The following SCN8A variants were observed in gnomAD, a reference collection of about 807,000 sequenced individuals.
SCN8A encodes the protein sodium voltage-gated channel alpha subunit 8.
SCN8A carries 30 observed loss-of-function variants against 184.1 expected under a neutral mutation model. The ratio of observed to expected loss-of-function variants is 0.16; its 90% CI spans 0.12 to 0.22. SCN8A has a LOEUF of 0.22. Ranked by LOEUF, SCN8A falls within the 10% of genes least tolerant of loss-of-function variation. SCN8A has a pLI of 1.00. For synonymous variants in SCN8A, 852 were observed against 907.0 expected (o/e 0.94, Z 1.09); for missense variants, 1,057 against 2,498.9 (o/e 0.42, Z 12.30).
At chr12:51,693,008 C>G (rs1941536877) in intron 6 of SCN8A, among the ~76,000 whole-genome samples, 1 of 152,146 alleles carries the variant, frequency 6.6e-6, no homozygotes, top group South Asian at 2.1e-4. Context: ...TTATTTTTCT[C>G]TTGGCAATTT....
At chr12:51,618,206 C>T (rs1324435484) in intron 1 of SCN8A, among the ~76,000 whole-genome samples, 1 of 152,098 alleles carries the variant, frequency 6.6e-6, no homozygotes, top group Non-Finnish European at 1.5e-5. Context: ...GGGATCCCAG[C>T]TTCCCTGGTC....
chr12:51,719,086 A>AG (rs1402332323), intron 11 of SCN8A, among the ~76,000 whole-genome samples: 5 of 101,082 alleles, frequency 4.9e-5, no homozygotes, highest in African/African-American at 1.9e-4. Flanking sequence ...ACTATAACAA[A>AG]GTTCTTCCAT....
At chr12:51,684,370 G>A in intron 3 of SCN8A, 78 bp downstream of exon 3, 1 of 768,244 alleles carries the variant, frequency 1.3e-6, no homozygotes, top group Non-Finnish European at 2.3e-6. Context: ...TTGACAACTG[G>A]ATTATATGTT....
chr12:51,633,646 T>C (rs1234605427), intron 1 of SCN8A, among the ~76,000 whole-genome samples: 4 of 152,232 alleles, frequency 2.6e-5, no homozygotes, highest in Non-Finnish European at 5.9e-5. Flanking sequence ...CACATTAAAC[T>C]TGAAGGCAGT....
intron 1 of SCN8A, among the ~76,000 whole-genome samples, chr12:51,639,833 T>G (rs1940403678): frequency 7.4e-6 from 1 of 135,522 alleles, no homozygotes; most frequent in Admixed American, 7.3e-5. Context: ...TGATCATTAG[T>G]TTTTTTTTTT....
At chr12:51,620,821 CTA>C (rs1565862143) in intron 1 of SCN8A, among the ~76,000 whole-genome samples, 1 of 150,092 alleles carries the variant, frequency 6.7e-6, no homozygotes, top group Non-Finnish European at 1.5e-5. Flanking sequence ...GACACCATCT[CTA>C]TTTAAAAAAA....
chr12:51,677,459 G>A (rs1160855508), intron 2 of SCN8A, among the ~76,000 whole-genome samples: 1 of 152,058 alleles, frequency 6.6e-6, no homozygotes, highest in Admixed American at 6.6e-5. Context: ...GTGGAGACAT[G>A]CTAATAAACT....
chr12:51,616,802 C>A (rs1023730927), intron 1 of SCN8A, among the ~76,000 whole-genome samples: 1 of 151,788 alleles, frequency 6.6e-6, no homozygotes, highest in Admixed American at 6.6e-5. Context: ...ACCTGTAGTC[C>A]CAGCTACTCA....
intron 21 of SCN8A, 112 bp from the exon 22 acceptor site, chr12:51,786,430 G>A (rs1486700982): frequency 2.3e-5 from 27 of 1,189,478 alleles, no homozygotes; most frequent in East Asian, 2.2e-4. Flanking sequence ...CAAAGGGAAT[G>A]TAATGTTTCC....
chr12:51,721,911 G>A lies in SCN8A; in HGVS notation c.1998+3G>A. ...TCGGCGGGCGTCTCCTGCCAGAGGT[G>A]AAAATTGATAAGGCAGCTACCGATG... On this transcript the variant is annotated splice_donor_region_variant and intron_variant, in intron 12 of 26. Coordinates refer to ENST00000627620, the MANE Select transcript of SCN8A (RefSeq NM_001330260.2). 1 of 1,599,956 alleles carries A rather than the reference G, an allele frequency of 6.3e-7. No individual in the cohort carries two copies. Among genetic ancestry groups the A allele is most frequent in the Non-Finnish European group, 8.5e-7 (1 of 1,179,806 alleles).
At chr12:51,645,443 G>A (rs1940559549) in intron 1 of SCN8A, among the ~76,000 whole-genome samples, 1 of 152,148 alleles carries the variant, frequency 6.6e-6, no homozygotes, top group African/African-American at 2.4e-5. Context: ...CCACCACCCT[G>A]TCTGGGAGGT....
At chr12:51,766,865 G>C (rs1334259693) in intron 16 of SCN8A, among the ~76,000 whole-genome samples, 3 of 152,168 alleles carry the variant, frequency 2.0e-5, no homozygotes, top group African/African-American at 7.2e-5. Context: ...GTACACTAAA[G>C]TTTGAGAAAG....
At chr12:51,593,761 T>C (rs1250732760) in intron 1 of SCN8A, among the ~76,000 whole-genome samples, 1 of 152,190 alleles carries the variant, frequency 6.6e-6, no homozygotes, top group South Asian at 2.1e-4. Flanking sequence ...GTACTTGAGG[T>C]TGAGGCCTAG....
intron 1 of SCN8A, among the ~76,000 whole-genome samples, chr12:51,639,649 T>C (rs1940398562): frequency 6.6e-6 from 1 of 152,124 alleles, no homozygotes; most frequent in South Asian, 2.1e-4. Flanking sequence ...AGAAATCTTT[T>C]ATGAAAGGAA....
intron 1 of SCN8A, among the ~76,000 whole-genome samples, chr12:51,607,899 A>G (rs1206477851): frequency 6.6e-6 from 1 of 151,214 alleles, no homozygotes; most frequent in Non-Finnish European, 1.5e-5. Flanking sequence ...TTTTTTGGTT[A>G]TGTCCTTTTC....
intron 20 of SCN8A, among the ~76,000 whole-genome samples, chr12:51,775,209 G>C (rs1002430301): frequency 2.6e-5 from 4 of 152,206 alleles, no homozygotes; most frequent in Non-Finnish European, 5.9e-5. Flanking sequence ...TCCTTCTGAG[G>C]GCTGTTAAGT....
intron 12 of SCN8A, among the ~76,000 whole-genome samples, chr12:51,740,957 G>T (rs768689409): frequency 1.3e-4 from 20 of 152,016 alleles, no homozygotes; most frequent in Non-Finnish European, 1.9e-4. Context: ...GCTAATTTTT[G>T]TATTTTTTTG....
At chr12:51,689,334 A>G (rs1941469786) in intron 6 of SCN8A, 2 of 473,560 alleles carry the variant, frequency 4.2e-6, no homozygotes, top group South Asian at 6.9e-5. Flanking sequence ...GTGCTTAAGA[A>G]TCACTTGGAT....
chr12:51,694,040 C>T (rs971922411), intron 6 of SCN8A, among the ~76,000 whole-genome samples: 2 of 152,236 alleles, frequency 1.3e-5, no homozygotes, highest in African/African-American at 4.8e-5. Context: ...TCAAGCGATT[C>T]TCCTGCCTCA....
Sources: allele counts gnomAD v4.1 joint callset (sites outside exome capture counted in the v4.1 genomes callset), GRCh38; gene constraint gnomAD v4.1.1; transcripts MANE v1.5; gene names NCBI Gene and HGNC (gene_info 2026-07-23, HGNC 2026-07-21).